SLC35G2: variants seen among roughly 807,000 people sequenced by gnomAD.
SLC35G2 encodes solute carrier family 35 member G2.
SLC35G2 carries 20 observed loss-of-function variants against 27.2 expected under a neutral mutation model. The ratio of observed to expected loss-of-function variants is 0.74; its 90% CI spans 0.52 to 1.07. SLC35G2 has a LOEUF of 1.07. Among genes scored for constraint, SLC35G2 ranks in the 50% least tolerant of loss-of-function variants. SLC35G2 has a pLI of 0.00. For synonymous variants in SLC35G2, 148 were observed against 165.3 expected (o/e 0.90, Z 0.80); for missense variants, 416 against 493.3 (o/e 0.84, Z 1.48).
At chr3:136,832,252 G>C (rs944774544) in intron 1 of SLC35G2, among the ~76,000 whole-genome samples, 13 of 152,210 alleles carry the variant, frequency 8.5e-5, no homozygotes, top group African/African-American at 3.1e-4. Flanking sequence ...CTGACCTCGT[G>C]ATCCACCTGC....
intron 1 of SLC35G2, among the ~76,000 whole-genome samples, chr3:136,823,676 A>G (rs1030973307): frequency 2.0e-5 from 3 of 151,918 alleles, no homozygotes; most frequent in Non-Finnish European, 2.9e-5. Context: ...GCTCACTGCA[A>G]CCGCCGCCTC....
chr3:136,830,133 G>T (rs1936691146), intron 1 of SLC35G2, among the ~76,000 whole-genome samples: 1 of 131,990 alleles, frequency 7.6e-6, no homozygotes, highest in Admixed American at 8.3e-5. Context: ...TTTTTGAGAC[G>T]GAGTCTCCCT....
In SLC35G2 at chr3:136,848,742, C is replaced by G. The variant is rs150064787; in HGVS notation, c.-18-5701C>G. Among the ~76,000 whole-genome samples, 456 of 152,250 alleles carry G rather than the reference C, an allele frequency of 3.0e-3. 1 individual carries two copies. Among genetic ancestry groups the G allele is most frequent in the African/African-American group, 9.6e-3 (398 of 41,548 alleles). On this transcript the variant is annotated intron_variant, in intron 1 of 1. Transcript: ENST00000446465. ...CTTATTAGTGGGAGCTAAACAATTACACATAAAGATGGAAATAATAGACCC... is the reference window on the plus strand; with the variant it reads ...CTTATTAGTGGGAGCTAAACAATTAGACATAAAGATGGAAATAATAGACCC...
At chr3:136,846,615 A>C (rs1468297539) in intron 1 of SLC35G2, 1 of 152,240 alleles carries the variant, frequency 6.6e-6, no homozygotes, top group Non-Finnish European at 1.5e-5. Context: ...TTGAGTTGGC[A>C]CTTTGATCAG....
intron 1 of SLC35G2, among the ~76,000 whole-genome samples, chr3:136,849,619 G>A (rs1307243856): frequency 6.6e-6 from 1 of 151,806 alleles, no homozygotes; most frequent in Non-Finnish European, 1.5e-5. Context: ...AGCCTCCCAA[G>A]TAGCTGGGAC....
At chr3:136,820,828 C>T (rs573741000) in intron 1 of SLC35G2, among the ~76,000 whole-genome samples, 14 of 152,174 alleles carry the variant, frequency 9.2e-5, no homozygotes, top group Admixed American at 9.2e-4. Flanking sequence ...TGGTATTTGG[C>T]TGAGCAATTA....
chr3:136,830,104 CTTTTT>C (rs71134418), intron 1 of SLC35G2, among the ~76,000 whole-genome samples: 2 of 88,790 alleles, frequency 2.3e-5, no homozygotes, highest in African/African-American at 4.4e-5. Flanking sequence ...TACATTATTT[CTTTTT>C]TTTTTTTTTT....
At chr3:136,845,160 G>A (rs182327039) in intron 1 of SLC35G2, among the ~76,000 whole-genome samples, 8 of 152,328 alleles carry the variant, frequency 5.3e-5, no homozygotes, top group Non-Finnish European at 8.8e-5. Flanking sequence ...GGAAGGGTCT[G>A]TAGTTGTCTC....
intron 1 of SLC35G2, chr3:136,846,418 A>C (rs1413510516): frequency 6.6e-6 from 1 of 152,252 alleles, no homozygotes; most frequent in Non-Finnish European, 1.5e-5. Flanking sequence ...TTTGGTGGAA[A>C]CATTTGTAGC....
Position 136,855,251 on chromosome 3 carries a change from C to G in SLC35G2, c.791C>G (p.Ala264Gly), listed in dbSNP as rs147638385. The change falls in exon 2 of 2, where the codon GCT (alanine) becomes GGT (glycine). Residue 264 changes from alanine to glycine, a missense_variant. Ala to Gly is a moderately conservative substitution (Grantham distance 60). Transcript: ENST00000446465. ...TTTGGGTACACCATGACTGTGATGGCTGGACTGACCACTGCTCTCTCAATG... is the reference window on the plus strand; with the variant it reads ...TTTGGGTACACCATGACTGTGATGGGTGGACTGACCACTGCTCTCTCAATG... Reference protein sequence around the residue: ...EAFGYTMTVMAGLTTALSMIV... With the variant: ...EAFGYTMTVMGGLTTALSMIV... 1 of 1,614,076 alleles carries G rather than the reference C, an allele frequency of 6.2e-7. No individual in the cohort carries two copies. The highest frequency in any genetic ancestry group is 1.3e-5 in the African/African-American group (1 of 74,930).
rs1361672940 is a variant in SLC35G2 at position 136,855,509 on chromosome 3, TACA to T, written c.1053_1055del (p.Gln351del). Reference sequence around the variant, plus strand: ...TTCCATCCAGCTTTGGTTAGCACAGTACAACATTTGGAGATTGTGGTAGCTATG... The same window carrying T: ...TTCCATCCAGCTTTGGTTAGCACAGTACATTTGGAGATTGTGGTAGCTATG... On this transcript the variant is annotated inframe_deletion, in exon 2 of 2. Coordinates refer to ENST00000446465, the MANE Select transcript of SLC35G2 (RefSeq NM_025246.3). The T allele has an allele frequency of 6.2e-7, 1 of 1,614,072 alleles. No individual in the cohort carries two copies. The highest frequency in any genetic ancestry group is 1.3e-5 in the African/African-American group (1 of 74,952).
At chr3:136,842,927 C>T (rs879691601) in intron 1 of SLC35G2, 2 of 152,040 alleles carry the variant, frequency 1.3e-5, no homozygotes, top group Non-Finnish European at 2.9e-5. Flanking sequence ...CGAGGTGTGC[C>T]AGTGTGTCTG....
At chr3:136,832,697 A>G (rs1197309792) in intron 1 of SLC35G2, among the ~76,000 whole-genome samples, 1 of 152,220 alleles carries the variant, frequency 6.6e-6, no homozygotes, top group South Asian at 2.1e-4. Flanking sequence ...AGCTGATGTG[A>G]TGTCAGACTG....
chr3:136,831,662 G>T (rs1368370937), intron 1 of SLC35G2, among the ~76,000 whole-genome samples: 1 of 152,172 alleles, frequency 6.6e-6, no homozygotes, highest in Non-Finnish European at 1.5e-5. Flanking sequence ...AAATTGCTTT[G>T]TTGGGCATTA....
At chr3:136,839,785 G>C (rs546173740) in intron 1 of SLC35G2, among the ~76,000 whole-genome samples, 5 of 152,198 alleles carry the variant, frequency 3.3e-5, no homozygotes, top group African/African-American at 9.6e-5. Context: ...CTAATTTTCT[G>C]CTTTAGAACT....
Position 136,854,917 on chromosome 3 carries a change from T to A in SLC35G2, c.457T>A (p.Tyr153Asn). 1 of 1,614,200 alleles carries A rather than the reference T, an allele frequency of 6.2e-7. No individual in the cohort carries two copies. Residue 153 changes from tyrosine to asparagine, a missense_variant, in exon 2 of 2, where the codon TAC (tyrosine) becomes AAC (asparagine). By Grantham distance (143) the Tyr-to-Asn change is moderately radical. Coordinates refer to ENST00000446465, the MANE Select transcript of SLC35G2 (RefSeq NM_025246.3). ...GGTCTTATCTGTGTTAGTTGTGTGT[T>A]ACTATCAGGAGGCCCCCTTTGGACC... ...FQVLSVLVVC[Y>N]YQEAPFGPSG... is the part of the protein sequence containing the mutation.
chr3:136,851,452 T>C (rs1226211995), intron 1 of SLC35G2, among the ~76,000 whole-genome samples: 2 of 123,556 alleles, frequency 1.6e-5, no homozygotes, highest in African/African-American at 3.0e-5. Context: ...GAGCCGAGAT[T>C]GTGCCACTGC....
chr3:136,852,579 G>C (rs1460637174), intron 1 of SLC35G2, among the ~76,000 whole-genome samples: 2 of 150,134 alleles, frequency 1.3e-5, no homozygotes, highest in Non-Finnish European at 3.0e-5. Context: ...TGCAACCTCC[G>C]TCTCCTGGGT....
rs1433720720 is a variant in SLC35G2, at chr3:136,819,300, G to T, written c.-347G>T. 6.6e-6 allele frequency: 1 copy of T among 152,334 alleles called. No individual in the cohort carries two copies. The highest frequency in any genetic ancestry group is 1.5e-5 in the Non-Finnish European group (1 of 68,138). 9.4% of individuals were successfully genotyped at this position (152,334 alleles called of 1,614,324 possible). On this transcript the variant is annotated 5_prime_UTR_variant, in exon 1 of 2. Coordinates refer to ENST00000446465, the MANE Select transcript of SLC35G2 (RefSeq NM_025246.3). ...GGCCGCCCGACAAGGGAATGAGAGCGGACCCCGAACTCCACACACCCGCGT... is the reference window on the plus strand; with the variant it reads ...GGCCGCCCGACAAGGGAATGAGAGCTGACCCCGAACTCCACACACCCGCGT...
Sources: gnomAD v4.1 joint callset for allele counts (sites outside exome capture counted in the v4.1 genomes callset) on GRCh38, gnomAD v4.1.1 for gene constraint, MANE v1.5 for transcripts, NCBI Gene and HGNC (gene_info 2026-07-23, HGNC 2026-07-21) for gene names.